Variants in C14orf39 observed in about 807,000 individuals in gnomAD.
The protein encoded by C14orf39 is chromosome 14 open reading frame 39.
In C14orf39, 66 loss-of-function variants were observed where a neutral mutation model predicts 85.6. The observed-to-expected ratio is 0.77, with a 90% CI of 0.63 to 0.95. The LOEUF is 0.95. Among genes scored for constraint, C14orf39 ranks in the 40% least tolerant of loss-of-function variants. The pLI is 0.00. For synonymous variants in C14orf39, 242 were observed against 214.0 expected, an observed-to-expected ratio of 1.13 and a Z score of -1.14; for missense variants, 735 against 663.9, an observed-to-expected ratio of 1.11 and a Z score of -1.18.
At chr14:60,474,383 A>AC (rs1342164029) in intron 5 of C14orf39, among the ~76,000 whole-genome samples, 1 of 112,112 alleles carries the variant, frequency 8.9e-6, no homozygotes, top group East Asian at 2.7e-4. Context: ...CTAATTGAAT[A>AC]CCATTTATTT....
In C14orf39 at chr14:60,496,204, A is replaced by C. The variant is rs1275796927; in HGVS notation, c.-9+3092T>G. 1.9e-5 allele frequency: 8 copies of C among 425,252 alleles called. No homozygotes were observed. The Admixed American group carries it at 2.0e-4, about 11-fold the overall frequency. 26.3% of individuals were successfully genotyped at this position (425,252 alleles called of 1,614,324 possible). A position where few individuals can be genotyped will look rare whatever the true frequency, so the allele number is the denominator to read the frequency against. The stretch of plus-strand genomic sequence containing the variant: ...GTGAGTACAGGAGATTCACATGTTC[A>C]TCTGAATTCAGATCTGCTGGGTGAG... On this transcript the variant is annotated intron_variant, in intron 2 of 5. Transcript: ENST00000556799.
At chr14:60,480,192 C>A (rs987443717) in intron 4 of C14orf39, among the ~76,000 whole-genome samples, 2 of 152,116 alleles carry the variant, frequency 1.3e-5, no homozygotes, top group African/African-American at 4.8e-5. Flanking sequence ...AAGGGTAAGG[C>A]AGGCATATCA....
chr14:60,471,373 G>A (rs1892067813), intron 7 of C14orf39, 44 bp downstream of exon 7: 1 of 1,346,550 alleles, frequency 7.4e-7, no homozygotes, highest in East Asian at 2.5e-5. Context: ...ACAAAATAAT[G>A]CTTATCTAAT....
At chr14:60,503,378 A>G (rs986527112) in intron 1 of C14orf39, among the ~76,000 whole-genome samples, 1 of 152,228 alleles carries the variant, frequency 6.6e-6, no homozygotes, top group Non-Finnish European at 1.5e-5. Flanking sequence ...ACAGCATGAA[A>G]TAGTACTGGA....
intron 2 of C14orf39, chr14:60,495,986 G>A (rs139617447): frequency 2.3e-5 from 11 of 487,074 alleles, no homozygotes; most frequent in African/African-American, 1.2e-4. Flanking sequence ...ACTTTAGGAC[G>A]AAGGGTATCA....
At chr14:60,509,730 A>C in intron 1 of C14orf39, 2 of 1,614,038 alleles carry the variant, frequency 1.2e-6, no homozygotes, top group Non-Finnish European at 1.7e-6. Context: ...GGACCTGTGG[A>C]CAAGTACCGA....
Position 60,461,237 on chromosome 14 carries a change from G to A in C14orf39, c.1117+117C>T, listed in dbSNP as rs904969907. ...GGGAAGATGTATTTTAAAGCCAGGC[G>A]TGCATGGTCAGTTAACCAGAGATGC... On this transcript the variant is annotated intron_variant, in intron 13 of 17. Coordinates refer to ENST00000321731, the MANE Select transcript of C14orf39 (RefSeq NM_174978.3). The A allele has an allele frequency of 3.6e-5, 27 of 749,890 alleles. No homozygotes were observed. In the Middle Eastern group the frequency reaches 1.3e-3, roughly 37 times the overall value. The allele number at this position is 749,890 out of a possible 1,614,324, so 46.5% of individuals were successfully genotyped here.
chr14:60,509,605 G>A (rs764765669), intron 1 of C14orf39: 7 of 1,613,464 alleles, frequency 4.3e-6, no homozygotes, highest in Non-Finnish European at 5.9e-6. Flanking sequence ...ACTACCGCGA[G>A]CTCTATCATA....
At chr14:60,476,079 C>T (rs938858040) in intron 5 of C14orf39, among the ~76,000 whole-genome samples, 1 of 152,186 alleles carries the variant, frequency 6.6e-6, no homozygotes, top group East Asian at 1.9e-4. Flanking sequence ...TATTACTAAA[C>T]TGTCCCCTTT....
At chr14:60,453,323 G>C (rs1270103172) in intron 16 of C14orf39, among the ~76,000 whole-genome samples, 7 of 151,774 alleles carry the variant, frequency 4.6e-5, no homozygotes, top group Non-Finnish European at 8.8e-5. Context: ...CTCATTTCTA[G>C]TAATATTCTT....
intron 9 of C14orf39, 38 bp downstream of exon 9, chr14:60,468,407 C>A: frequency 7.8e-7 from 1 of 1,274,736 alleles, no homozygotes; most frequent in Non-Finnish European, 1.1e-6. Flanking sequence ...TGCAAAATAT[C>A]TGTTCACATA....
chr14:60,485,496 C>G (rs1167883499), intron 1 of C14orf39, among the ~76,000 whole-genome samples: 2 of 152,244 alleles, frequency 1.3e-5, no homozygotes, highest in African/African-American at 4.8e-5. Flanking sequence ...AAAATTCTAA[C>G]GAAAGCCCTT....
upstream of C14orf39, among the ~76,000 whole-genome samples, chr14:60,486,453 C>A (rs1187255386): frequency 1.3e-5 from 2 of 152,150 alleles, no homozygotes; most frequent in African/African-American, 4.8e-5. Flanking sequence ...CTGAATTCAG[C>A]ATTTTTCAAA....
chr14:60,467,763 A>G (rs1430539735), intron 9 of C14orf39, among the ~76,000 whole-genome samples: 1 of 151,824 alleles, frequency 6.6e-6, no homozygotes, highest in Non-Finnish European at 1.5e-5. Context: ...GATCAGGGAA[A>G]TTAACCCGAC....
In C14orf39 at chr14:60,511,373, A is replaced by T. The variant is rs1037028804; in HGVS notation, c.-144+4022T>A. The T allele has an allele frequency of 9.7e-6, 12 of 1,243,516 alleles. No individual in the cohort carries two copies. The highest frequency in any genetic ancestry group is 1.4e-5 in the Non-Finnish European group (12 of 865,502). 77.0% of individuals were successfully genotyped at this position (1,243,516 alleles called of 1,614,324 possible). ...CGCCACAGAAGCCAGGTGACCAGGG[A>T]CCCGCGGGCTCGGGTTGCCGTTTCC... is the stretch of plus-strand genomic sequence containing the variant. On this transcript the variant is annotated intron_variant, in intron 1 of 5. Coordinates refer to the C14orf39 transcript ENST00000556799.
chr14:60,446,291 A>G (rs2140035752), intron 16 of C14orf39, among the ~76,000 whole-genome samples: 1 of 152,248 alleles, frequency 6.6e-6, no homozygotes, highest in African/African-American at 2.4e-5. Flanking sequence ...AACAAAATTG[A>G]TAGACTGCTA....
intron 17 of C14orf39, among the ~76,000 whole-genome samples, chr14:60,440,565 C>T (rs1260378331): frequency 6.6e-6 from 1 of 152,216 alleles, no homozygotes; most frequent in Admixed American, 6.5e-5. Context: ...TGACCTTTCC[C>T]TGCTTTTGCC....
At chr14:60,511,145 A>T (rs2140189606) in intron 1 of C14orf39, 3 of 1,612,852 alleles carry the variant, frequency 1.9e-6, no homozygotes, top group Non-Finnish European at 2.5e-6. Context: ...GGGCGACGGC[A>T]CGCCAGAGGT....
chr14:60,510,201 C>T (rs553337546), intron 1 of C14orf39, among the ~76,000 whole-genome samples: 1 of 152,238 alleles, frequency 6.6e-6, no homozygotes, highest in East Asian at 1.9e-4. Flanking sequence ...AGCAGCTGGT[C>T]CCGGTCACCA....
Sources: allele counts gnomAD v4.1 joint callset (sites outside exome capture counted in the v4.1 genomes callset), GRCh38; gene constraint gnomAD v4.1.1; transcripts MANE v1.5; gene names NCBI Gene and HGNC (gene_info 2026-07-23, HGNC 2026-07-21).